DTNB: variants seen among roughly 807,000 people sequenced by gnomAD.
The protein encoded by DTNB is DTN-B.
A neutral mutation model predicts 90.7 loss-of-function variants in DTNB; 63 were observed. The ratio of observed to expected loss-of-function variants is 0.69; its 90% CI spans 0.57 to 0.86. The LOEUF (loss-of-function observed/expected upper bound fraction) is 0.86. Ranked by LOEUF, DTNB falls within the 40% of genes least tolerant of loss-of-function variation. The pLI is 0.00. For missense variants in DTNB, 744 were observed against 807.1 expected (o/e 0.92, Z 0.95); for synonymous variants, 277 against 286.7 (o/e 0.97, Z 0.34).
chr2:25,499,787 A>C (rs2070019766), intron 9 of DTNB, among the ~76,000 whole-genome samples: 2 of 152,220 alleles, frequency 1.3e-5, no homozygotes, highest in Non-Finnish European at 2.9e-5. Flanking sequence ...TTGCATTCAC[A>C]ATGTGTACTG....
chr2:25,645,959 A>C (rs766991176), intron 2 of DTNB, among the ~76,000 whole-genome samples: 1 of 152,170 alleles, frequency 6.6e-6, no homozygotes, highest in Non-Finnish European at 1.5e-5. Context: ...AGTTCCTCTA[A>C]GAAGGGGAAA....
intron 8 of DTNB, among the ~76,000 whole-genome samples, chr2:25,564,262 G>A (rs768462429): frequency 3.9e-5 from 6 of 152,218 alleles, no homozygotes; most frequent in Non-Finnish European, 8.8e-5. Flanking sequence ...AAAAGCAGTT[G>A]AGATTTTCAT....
At chr2:25,397,491 T>G (rs965509060) in intron 16 of DTNB, among the ~76,000 whole-genome samples, 5 of 152,110 alleles carry the variant, frequency 3.3e-5, no homozygotes, top group Non-Finnish European at 7.4e-5. Context: ...GATAAGAATC[T>G]CTGAGGGCTG....
chr2:25,478,114 C>T (rs1413444653), intron 10 of DTNB, among the ~76,000 whole-genome samples: 1 of 151,422 alleles, frequency 6.6e-6, no homozygotes. Context: ...CTATCTGTTA[C>T]TTTCCTTTTC....
At chr2:25,601,604 A>AT (rs374427717) in intron 5 of DTNB, among the ~76,000 whole-genome samples, 9 of 151,688 alleles carry the variant, frequency 5.9e-5, no homozygotes, top group African/African-American at 1.9e-4. Flanking sequence ...CTAGCCACCT[A>AT]TTTTTTTTGC....
chr2:25,664,377 T>C (rs1049360011), intron 1 of DTNB, among the ~76,000 whole-genome samples: 5 of 152,242 alleles, frequency 3.3e-5, no homozygotes, highest in African/African-American at 7.2e-5. Flanking sequence ...CATCTGTCTA[T>C]TTAGCAAAGT....
intron 1 of DTNB, among the ~76,000 whole-genome samples, chr2:25,670,780 C>A (rs6725489): frequency 0.16 from 24,536 of 152,154 alleles, 2,575 homozygotes; most frequent in East Asian, 0.57. Flanking sequence ...ATGGAAATTT[C>A]TTGATTGGAA....
At chr2:25,503,957 T>TA (rs1205022140) in intron 9 of DTNB, among the ~76,000 whole-genome samples, 1 of 148,820 alleles carries the variant, frequency 6.7e-6, no homozygotes, top group East Asian at 2.1e-4. Context: ...TACAATAGCA[T>TA]AAAAAATATG....
intron 14 of DTNB, among the ~76,000 whole-genome samples, chr2:25,429,866 G>C (rs2053270828): frequency 6.6e-6 from 1 of 152,134 alleles, no homozygotes; most frequent in Admixed American, 6.6e-5. Flanking sequence ...TTGATGTAAT[G>C]AATGATTGAA....
At chr2:25,530,424 G>A (rs1016111621) in intron 9 of DTNB, among the ~76,000 whole-genome samples, 4 of 152,120 alleles carry the variant, frequency 2.6e-5, no homozygotes, top group South Asian at 2.1e-4. Flanking sequence ...GTGACAAAGC[G>A]AGACCCTGTC....
intron 10 of DTNB, among the ~76,000 whole-genome samples, chr2:25,468,846 C>T (rs2150279302): frequency 6.6e-6 from 1 of 152,262 alleles, no homozygotes; most frequent in South Asian, 2.1e-4. Context: ...AGGATAATGA[C>T]TTATCCTACA....
chr2:25,630,474 T>TC (rs762280907), intron 3 of DTNB, among the ~76,000 whole-genome samples: 1 of 152,128 alleles, frequency 6.6e-6, no homozygotes, highest in Non-Finnish European at 1.5e-5. Flanking sequence ...AACCCAAATG[T>TC]CCATCAATAT....
intron 10 of DTNB, among the ~76,000 whole-genome samples, chr2:25,465,375 C>A (rs540563340): frequency 2.1e-3 from 295 of 140,260 alleles, no homozygotes; most frequent in Middle Eastern, 3.7e-3. Context: ...GACTCCGTCT[C>A]AAAAAAAAAA....
chr2:25,489,455 G>A (rs2066903566), intron 9 of DTNB, among the ~76,000 whole-genome samples: 2 of 152,098 alleles, frequency 1.3e-5, no homozygotes, highest in Admixed American at 1.3e-4. Flanking sequence ...AAGAAAAACT[G>A]CTATATGCAT....
chr2:25,589,361 T>G (rs1240198350), intron 6 of DTNB, among the ~76,000 whole-genome samples: 1 of 129,058 alleles, frequency 7.7e-6, no homozygotes, highest in East Asian at 2.1e-4. Flanking sequence ...GGTTTCTTTT[T>G]CTTTTCTTTT....
chr2:25,445,276 A>G (rs2058223868), intron 12 of DTNB, among the ~76,000 whole-genome samples: 1 of 152,224 alleles, frequency 6.6e-6, no homozygotes, highest in African/African-American at 2.4e-5. Flanking sequence ...GACTGAGGGC[A>G]TGTCTGAGGT....
intron 10 of DTNB, among the ~76,000 whole-genome samples, chr2:25,461,338 G>A (rs2060919475): frequency 6.6e-6 from 1 of 152,206 alleles, no homozygotes; most frequent in Non-Finnish European, 1.5e-5. Context: ...TGTTTGGGGT[G>A]TGGGGTGTAA....
At chr2:25,496,570 G>A (rs146541800) in intron 9 of DTNB, among the ~76,000 whole-genome samples, 6 of 152,256 alleles carry the variant, frequency 3.9e-5, no homozygotes, top group African/African-American at 9.6e-5. Flanking sequence ...GGGGCTGGGC[G>A]CAGTGGCTCA....
intron 16 of DTNB, among the ~76,000 whole-genome samples, chr2:25,390,319 A>G (rs1022945606): frequency 6.6e-6 from 1 of 152,242 alleles, no homozygotes; most frequent in Non-Finnish European, 1.5e-5. Context: ...CATAGTAACT[A>G]TAAGGGCTAA....
Sources: gnomAD v4.1 joint callset for allele counts (sites outside exome capture counted in the v4.1 genomes callset) on GRCh38, gnomAD v4.1.1 for gene constraint, MANE v1.5 for transcripts, NCBI Gene and HGNC (gene_info 2026-07-23, HGNC 2026-07-21) for gene names.